The following ATP13A5 variants were observed in gnomAD, a reference collection of about 807,000 sequenced individuals.
ATP13A5 encodes the protein ATPase 13A5, also known as probable cation-transporting ATPase 13A5.
A neutral mutation model predicts 150.2 loss-of-function variants in ATP13A5; 149 were observed. The observed-to-expected ratio is 0.99, with a 90% CI of 0.87 to 1.14. The LOEUF (loss-of-function observed/expected upper bound fraction) is 1.14. ATP13A5 is among the 50% of genes most tolerant of loss of function. The pLI, the probability that ATP13A5 is intolerant of heterozygous loss-of-function variation, is 0.00. For synonymous variants in ATP13A5, 497 were observed against 522.2 expected (o/e 0.95, Z 0.66); for missense variants, 1,383 against 1,449.3 (o/e 0.95, Z 0.74).
intron 25 of ATP13A5, among the ~76,000 whole-genome samples, chr3:193,292,487 G>A (rs868595148): frequency 2.6e-5 from 4 of 152,132 alleles, no homozygotes; most frequent in Non-Finnish European, 4.4e-5. Flanking sequence ...GGGCTTCCCT[G>A]TGTGACTTTC....
At chr3:193,290,174 G>C in intron 25 of ATP13A5, 115 bp from the exon 26 acceptor site, 1 of 1,047,708 alleles carries the variant, frequency 9.5e-7, no homozygotes, top group Non-Finnish European at 1.3e-6. Context: ...AAGCAAACAC[G>C]AACAGAAGAT....
At chr3:193,340,498 A>G (rs1031653207) in intron 9 of ATP13A5, among the ~76,000 whole-genome samples, 4 of 152,194 alleles carry the variant, frequency 2.6e-5, no homozygotes, top group Non-Finnish European at 5.9e-5. Flanking sequence ...GTCTGACAGG[A>G]TATCGATGTG....
intron 12 of ATP13A5, among the ~76,000 whole-genome samples, chr3:193,327,668 A>G (rs922634388): frequency 2.6e-5 from 4 of 152,260 alleles, no homozygotes; most frequent in African/African-American, 9.6e-5. Flanking sequence ...TTGATTCGCC[A>G]TACTATGGGA....
chr3:193,342,610 T>C (rs2108883790), intron 9 of ATP13A5, among the ~76,000 whole-genome samples: 1 of 152,336 alleles, frequency 6.6e-6, no homozygotes, highest in Admixed American at 6.5e-5. Flanking sequence ...TGCACATTTG[T>C]TGAAAGGCAG....
chr3:193,333,815 C>G lies in ATP13A5; in HGVS notation c.1207G>C (p.Val403Leu). The G allele has an allele frequency of 1.9e-6, 3 of 1,613,918 alleles. No homozygotes were observed. Residue 403 changes from valine (V) to leucine (L), a missense_variant, in exon 11 of 30, where the codon GTG becomes CTG. Coordinates refer to ENST00000342358, the MANE Select transcript of ATP13A5 (RefSeq NM_198505.4). ...ATGACACCAAGGCAGGCCAGGAACA[C>G]GATGAACTTGAAGGCATCGCTGTAT... The part of the protein sequence containing the change: ...KLYSDAFKFI[V>L]FLACLGVMGF...
chr3:193,289,318 A>G (rs1476893751), intron 26 of ATP13A5, among the ~76,000 whole-genome samples: 1 of 152,178 alleles, frequency 6.6e-6, no homozygotes, highest in Non-Finnish European at 1.5e-5. Flanking sequence ...GAACAAGGAT[A>G]CCATCAATTC....
intron 9 of ATP13A5, among the ~76,000 whole-genome samples, chr3:193,337,566 C>T (rs1485429703): frequency 6.6e-6 from 1 of 152,106 alleles, no homozygotes. Context: ...TTTCTGAGGG[C>T]TCTGTTCTTT....
chr3:193,288,949 C>A (rs1717833528), intron 26 of ATP13A5, among the ~76,000 whole-genome samples: 1 of 152,038 alleles, frequency 6.6e-6, no homozygotes, highest in South Asian at 2.1e-4. Flanking sequence ...TAGGTTCAGT[C>A]AAAACTTGAG....
chr3:193,278,020 T>G (rs1577318839), intron 28 of ATP13A5, among the ~76,000 whole-genome samples: 1 of 152,144 alleles, frequency 6.6e-6, no homozygotes, highest in African/African-American at 2.4e-5. Context: ...GCCAGGCTGG[T>G]CTTGAACTCC....
intron 28 of ATP13A5, among the ~76,000 whole-genome samples, chr3:193,278,832 C>T (rs1348692404): frequency 1.3e-5 from 2 of 152,130 alleles, no homozygotes; most frequent in Non-Finnish European, 2.9e-5. Context: ...GGAGCCAACC[C>T]TTCTCTTTTA....
intron 9 of ATP13A5, among the ~76,000 whole-genome samples, chr3:193,340,752 T>G (rs992274682): frequency 1.3e-5 from 2 of 152,198 alleles, no homozygotes; most frequent in African/African-American, 4.8e-5. Flanking sequence ...ATTAAGACAA[T>G]AGAAGTCTTC....
At chr3:193,350,722 G>C (rs1430232541) in intron 7 of ATP13A5, among the ~76,000 whole-genome samples, 1 of 152,120 alleles carries the variant, frequency 6.6e-6, no homozygotes, top group East Asian at 1.9e-4. Flanking sequence ...ATAATATCTT[G>C]ATTAATGCAC....
chr3:193,373,286 T>G (rs9838487), intron 1 of ATP13A5, among the ~76,000 whole-genome samples: 1 of 151,856 alleles, frequency 6.6e-6, no homozygotes, highest in Non-Finnish European at 1.5e-5. Context: ...TACAGGCAGC[T>G]GCCACCATGC....
rs376052913 is a variant in ATP13A5, at chr3:193,276,735, T to C, written c.3396+15A>G. The C allele has an allele frequency of 7.7e-6, 12 of 1,550,486 alleles. No homozygotes were observed. The highest frequency in any genetic ancestry group is 4.1e-5 in the African/African-American group (3 of 72,736). On this transcript the variant is annotated intron_variant, in intron 29 of 29. Transcript: ENST00000342358. Reference sequence around the variant, plus strand: ...TTTGTTTATCTTCCTAGAAAAAATATAGAGATTACTTTACCTCTACAAAGA... The same window carrying C: ...TTTGTTTATCTTCCTAGAAAAAATACAGAGATTACTTTACCTCTACAAAGA...
chr3:193,289,995 G>A lies in ATP13A5; in HGVS notation c.2913C>T (p.Pro971=), dbSNP rs1375610392. 6.2e-7 allele frequency: 1 copy of A among 1,612,972 alleles called. No homozygotes were observed. The highest frequency in any genetic ancestry group is 2.2e-5 in the East Asian group (1 of 44,842). The change falls in exon 26 of 30, where the codon CCC becomes CCT. Residue 971 remains proline, a synonymous_variant. Transcript: ENST00000342358. ...TCAAAAATATTGAAAGCAGTAAAGG[G>A]GGAGAAAGGAGCTGTCCTGCTGGTC... The part of the protein sequence containing the change: ...PYRPAGQLLS[P]PLLLSIFLNS...
At chr3:193,355,151 C>G (rs1712734179) in intron 5 of ATP13A5, among the ~76,000 whole-genome samples, 1 of 151,834 alleles carries the variant, frequency 6.6e-6, no homozygotes, top group African/African-American at 2.4e-5. Flanking sequence ...AGGCTCGTCT[C>G]GAACCCCTGA....
At chr3:193,294,406 A>G (rs1366829489) in intron 25 of ATP13A5, among the ~76,000 whole-genome samples, 1 of 152,096 alleles carries the variant, frequency 6.6e-6, no homozygotes, top group East Asian at 1.9e-4. Context: ...CAAGCTCCTT[A>G]AAAATGCCGC....
intron 12 of ATP13A5, among the ~76,000 whole-genome samples, chr3:193,330,411 T>C (rs1025968763): frequency 6.6e-6 from 1 of 152,236 alleles, no homozygotes; most frequent in African/African-American, 2.4e-5. Flanking sequence ...ATTATTCAAA[T>C]GCACATGAAT....
intron 23 of ATP13A5, among the ~76,000 whole-genome samples, chr3:193,303,544 T>C (rs955736177): frequency 1.3e-5 from 2 of 152,060 alleles, no homozygotes; most frequent in African/African-American, 4.8e-5. Context: ...GTATATATGT[T>C]AATGTATGTA....
Sources: allele counts gnomAD v4.1 joint callset (sites outside exome capture counted in the v4.1 genomes callset), GRCh38; gene constraint gnomAD v4.1.1; transcripts MANE v1.5; gene names NCBI Gene and HGNC (gene_info 2026-07-23, HGNC 2026-07-21).